MAGI2: variants seen among roughly 807,000 people sequenced by gnomAD.
MAGI2 encodes the protein membrane associated guanylate kinase, WW and PDZ domain containing 2, also known as membrane-associated guanylate kinase, WW and PDZ domain-containing protein 2.
A neutral mutation model predicts 133.3 loss-of-function variants in MAGI2; 35 were observed. That is an observed-to-expected ratio of 0.26 (90% confidence interval 0.20 to 0.35). The LOEUF (loss-of-function observed/expected upper bound fraction) is 0.35, where lower values mean the gene tolerates loss of function less well. Among genes scored for constraint, MAGI2 ranks in the 10% least tolerant of loss-of-function variants. The pLI is 1.00. For missense variants in MAGI2, 1,636 were observed against 1,863.4 expected, an observed-to-expected ratio of 0.88 and a Z score of 2.25; for synonymous variants, 729 against 710.6, an observed-to-expected ratio of 1.03 and a Z score of -0.41.
intron 1 of MAGI2, among the ~76,000 whole-genome samples, chr7:79,307,850 T>C (rs1837947541): frequency 6.6e-6 from 1 of 152,208 alleles, no homozygotes; most frequent in South Asian, 2.1e-4. Context: ...AAACAACTTT[T>C]GTATATTCTT....
intron 21 of MAGI2, among the ~76,000 whole-genome samples, chr7:78,051,022 C>T (rs373784585): frequency 6.6e-6 from 1 of 152,244 alleles, no homozygotes; most frequent in Non-Finnish European, 1.5e-5. Context: ...CCAACCCCCA[C>T]CTGGAGCATT....
intron 10 of MAGI2, among the ~76,000 whole-genome samples, chr7:78,247,331 C>T (rs1791903710): frequency 6.6e-6 from 1 of 152,132 alleles, no homozygotes; most frequent in African/African-American, 2.4e-5. Context: ...GACTATACCA[C>T]TGAATATACT....
At chr7:78,029,551 T>C (rs1809335419) in intron 21 of MAGI2, among the ~76,000 whole-genome samples, 1 of 152,228 alleles carries the variant, frequency 6.6e-6, no homozygotes, top group Non-Finnish European at 1.5e-5. Context: ...GTTAGTCAAG[T>C]AGGACCCAAA....
chr7:78,597,690 C>T (rs765905576), intron 3 of MAGI2, among the ~76,000 whole-genome samples: 21 of 152,156 alleles, frequency 1.4e-4, no homozygotes, highest in Non-Finnish European at 2.8e-4. Context: ...GCGACTGACC[C>T]TGGGAAATGG....
At chr7:78,604,667 G>A (rs1805608403) in intron 3 of MAGI2, among the ~76,000 whole-genome samples, 1 of 152,180 alleles carries the variant, frequency 6.6e-6, no homozygotes, top group Non-Finnish European at 1.5e-5. Context: ...ACATAAGTTG[G>A]TTAGATGTTA....
chr7:79,384,948 T>C (rs1844071142), intron 1 of MAGI2, among the ~76,000 whole-genome samples: 1 of 151,764 alleles, frequency 6.6e-6, no homozygotes, highest in Admixed American at 6.6e-5. Context: ...TGTTAGACTC[T>C]GTCACTATGT....
intron 1 of MAGI2, among the ~76,000 whole-genome samples, chr7:79,431,905 G>A (rs1342911831): frequency 1.3e-5 from 2 of 152,202 alleles, no homozygotes; most frequent in Non-Finnish European, 2.9e-5. Context: ...TTAGTACTGA[G>A]TGACCTCAAG....
intron 2 of MAGI2, among the ~76,000 whole-genome samples, chr7:78,854,316 A>G (rs1793432980): frequency 6.6e-6 from 1 of 152,306 alleles, no homozygotes; most frequent in Admixed American, 6.5e-5. Flanking sequence ...TTAAGATATT[A>G]ACAATGTATC....
chr7:79,039,869 T>TAC (rs1811489224), intron 1 of MAGI2, among the ~76,000 whole-genome samples: 1 of 144,188 alleles, frequency 6.9e-6, no homozygotes, highest in Non-Finnish European at 1.5e-5. Flanking sequence ...ATATATATAA[T>TAC]ATATATGTAT....
intron 2 of MAGI2, among the ~76,000 whole-genome samples, chr7:78,716,764 T>A (rs1412023115): frequency 4.6e-5 from 7 of 151,942 alleles, no homozygotes; most frequent in Admixed American, 4.6e-4. Context: ...AGAAAAGTGG[T>A]TCAAGACAGA....
chr7:79,090,520 C>T lies in MAGI2; in HGVS notation c.302-83314G>A, dbSNP rs189216314. The stretch of plus-strand genomic sequence containing the variant: ...AGAATATTAGCTGATTTGCTTAGAA[C>T]ATTTTCTTAAAGCTTTCATAGACAT... On this transcript the variant is annotated intron_variant, in intron 1 of 21. Coordinates refer to ENST00000354212, the MANE Select transcript of MAGI2 (RefSeq NM_012301.4). Among the ~76,000 whole-genome samples the T allele has an allele frequency of 2.5e-4, 38 of 152,182 alleles. No individual in the cohort carries two copies. In the East Asian group the frequency reaches 6.6e-3, roughly 26 times the overall value.
At chr7:78,771,345 G>T (rs1229880373) in intron 2 of MAGI2, 1 of 152,178 alleles carries the variant, frequency 6.6e-6, no homozygotes, top group Admixed American at 6.5e-5. Flanking sequence ...GGAAAGGGAG[G>T]GGGGCGGCTC....
chr7:78,290,988 A>G (rs554847795), intron 9 of MAGI2, among the ~76,000 whole-genome samples: 2 of 152,372 alleles, frequency 1.3e-5, no homozygotes, highest in Admixed American at 1.3e-4. Context: ...AAAGCAGGAA[A>G]GATCTAAAAT....
intron 21 of MAGI2, among the ~76,000 whole-genome samples, chr7:78,062,263 G>A (rs900182867): frequency 7.2e-5 from 11 of 152,212 alleles, no homozygotes; most frequent in African/African-American, 2.2e-4. Context: ...CGAGGTGGGT[G>A]TCCACACTGG....
chr7:78,894,740 A>AAC lies in MAGI2; in HGVS notation c.418+112349_418+112350insGT, dbSNP rs144827891. On this transcript the variant is annotated intron_variant, in intron 2 of 21. Coordinates refer to ENST00000354212, the MANE Select transcript of MAGI2 (RefSeq NM_012301.4). ...ATAAACAAATCCAATAATATATTTT[A>AAC]AAAAATATTCTGAATTCAAGTGTTC... 2.2e-3 allele frequency among the ~76,000 whole-genome samples: 328 copies of AAC among 152,314 alleles called. 2 individuals are homozygous for AAC. The highest frequency in any genetic ancestry group is 7.4e-3 in the African/African-American group (307 of 41,580).
chr7:78,059,271 T>C (rs1180682670), intron 21 of MAGI2, among the ~76,000 whole-genome samples: 2 of 152,154 alleles, frequency 1.3e-5, no homozygotes, highest in African/African-American at 2.4e-5. Flanking sequence ...CAAATCCAAA[T>C]CCACAGGTGA....
chr7:78,254,343 G>T (rs757949003), intron 10 of MAGI2: 80 of 152,156 alleles, frequency 5.3e-4, no homozygotes, highest in Non-Finnish European at 4.0e-4. Context: ...CAGTGAGTTT[G>T]TGATACCATT....
rs568792849 is a variant in MAGI2 at position 78,443,370 on chromosome 7, G to A, written c.1045+46391C>T. Among the ~76,000 whole-genome samples the A allele has an allele frequency of 3.3e-5, 5 of 152,156 alleles. No individual in the cohort carries two copies. The East Asian group carries it at 7.8e-4, about 24-fold the overall frequency. ...TGGTAGCAAGCAGTGTTTGAAATTC[G>A]AAACCCTGCTTCTGAGTTAGACACA... On this transcript the variant is annotated intron_variant, in intron 6 of 21. Coordinates refer to ENST00000354212, the MANE Select transcript of MAGI2 (RefSeq NM_012301.4).
intron 8 of MAGI2, chr7:78,345,708 C>A: frequency 1.7e-6 from 1 of 593,980 alleles, no homozygotes; most frequent in Admixed American, 3.1e-5. Context: ...GCTGTACATT[C>A]CTATAAAGTA....
Sources: allele counts gnomAD v4.1 joint callset (sites outside exome capture counted in the v4.1 genomes callset), GRCh38; gene constraint gnomAD v4.1.1; transcripts MANE v1.5; gene names NCBI Gene and HGNC (gene_info 2026-07-23, HGNC 2026-07-21).